The following CDH13 variants were observed in gnomAD, a reference collection of about 807,000 sequenced individuals.
The protein encoded by CDH13 is cadherin 13, also known as cadherin-13.
A neutral mutation model predicts 63.8 loss-of-function variants in CDH13; 24 were observed. The observed-to-expected ratio is 0.38, with a 90% CI of 0.27 to 0.53. The LOEUF (loss-of-function observed/expected upper bound fraction) is 0.53, where lower values mean the gene tolerates loss of function less well. Ranked by LOEUF, CDH13 falls within the 20% of genes least tolerant of loss-of-function variation. CDH13 has a pLI of 0.85. For synonymous variants in CDH13, 503 were observed against 355.3 expected (o/e 1.42, Z -4.67); for missense variants, 1,049 against 903.1 (o/e 1.16, Z -2.07).
intron 7 of CDH13, among the ~76,000 whole-genome samples, chr16:83,546,979 C>G (rs578256971): frequency 1.9e-4 from 29 of 152,306 alleles, no homozygotes; most frequent in African/African-American, 6.7e-4. Context: ...ACCTCCGGTC[C>G]TGAACAGCCT....
intron 4 of CDH13, among the ~76,000 whole-genome samples, chr16:83,139,650 A>G (rs576787056): frequency 5.9e-5 from 9 of 152,258 alleles, no homozygotes; most frequent in African/African-American, 2.2e-4. Flanking sequence ...TCTTATTATA[A>G]GAGTAATATG....
At chr16:83,281,805 C>T (rs12448050) in intron 5 of CDH13, among the ~76,000 whole-genome samples, 60,354 of 151,492 alleles carry the variant, frequency 0.4, 12,694 homozygotes, top group East Asian at 0.63. Context: ...CCCAGCTACT[C>T]GGGAGGCTGA....
intron 2 of CDH13, among the ~76,000 whole-genome samples, chr16:82,862,147 G>T (rs989379324): frequency 5.3e-5 from 8 of 152,188 alleles, no homozygotes; most frequent in African/African-American, 1.9e-4. Context: ...CAGCATGGTA[G>T]ATCTTGCTTT....
intron 4 of CDH13, among the ~76,000 whole-genome samples, chr16:83,166,934 A>G (rs770192538): frequency 1.9e-4 from 29 of 152,268 alleles, no homozygotes; most frequent in Non-Finnish European, 3.4e-4. Context: ...GCACCTCACA[A>G]TTAGCTGCCT....
rs1029759594 is a variant in CDH13 at position 82,873,501 on chromosome 16, A to T, written c.157+15028A>T. ...AGACTGGGGTGTCCTTGATAGTTTCACAGGACAGTGGTGTGGGCTCCTAGG... is the reference window on the plus strand; with the variant it reads ...AGACTGGGGTGTCCTTGATAGTTTCTCAGGACAGTGGTGTGGGCTCCTAGG... On this transcript the variant is annotated intron_variant, in intron 2 of 13. Transcript: ENST00000567109. 2.0e-5 allele frequency among the ~76,000 whole-genome samples: 3 copies of T among 152,098 alleles called. No individual in the cohort carries two copies. In the South Asian group the frequency reaches 6.2e-4, roughly 32 times the overall value.
At chr16:83,635,944 C>T (rs1255388818) in intron 8 of CDH13, among the ~76,000 whole-genome samples, 9 of 152,118 alleles carry the variant, frequency 5.9e-5, no homozygotes. Flanking sequence ...TGTATTTTTA[C>T]ATCTAAGTCC....
At chr16:83,393,595 T>C (rs2091828727) in intron 6 of CDH13, among the ~76,000 whole-genome samples, 1 of 152,208 alleles carries the variant, frequency 6.6e-6, no homozygotes, top group African/African-American at 2.4e-5. Context: ...TAGACATATA[T>C]GTTATTGCAA....
intron 3 of CDH13, among the ~76,000 whole-genome samples, chr16:83,080,295 G>A (rs1393834383): frequency 6.6e-6 from 1 of 152,176 alleles, no homozygotes; most frequent in East Asian, 1.9e-4. Context: ...GCTGAGACTA[G>A]GAATTCAAAC....
At position 83,456,879 on chromosome 16, in the gene CDH13, T is replaced by G. The variant is rs560113049; in HGVS notation, c.782-29598T>G. Among the ~76,000 whole-genome samples the G allele has an allele frequency of 2.6e-5, 4 of 152,226 alleles. No homozygotes were observed. In the East Asian group the frequency reaches 7.7e-4, roughly 29 times the overall value. ...CAGGAGGCTGAGGCAGGAGAGTCAC[T>G]TGAACCTGGGAGGCGGATGTTGCAG... On this transcript the variant is annotated intron_variant, in intron 6 of 13. Transcript: ENST00000567109.
intron 2 of CDH13, among the ~76,000 whole-genome samples, chr16:82,939,862 C>T (rs770899299): frequency 2.0e-5 from 3 of 152,240 alleles, no homozygotes; most frequent in Admixed American, 6.5e-5. Context: ...TATATTCGCA[C>T]GTTTTCACGC....
chr16:82,916,114 C>T (rs1479288621), intron 2 of CDH13, among the ~76,000 whole-genome samples: 1 of 152,050 alleles, frequency 6.6e-6, no homozygotes, highest in Non-Finnish European at 1.5e-5. Flanking sequence ...CTTGATTTTA[C>T]CTGGGAGTCC....
intron 6 of CDH13, among the ~76,000 whole-genome samples, chr16:83,460,723 G>C (rs529670310): frequency 6.6e-5 from 10 of 152,090 alleles, no homozygotes; most frequent in Non-Finnish European, 1.5e-4. Context: ...CCTGAGTGCA[G>C]TGGCTTGCAC....
intron 7 of CDH13, among the ~76,000 whole-genome samples, chr16:83,541,342 C>G (rs939037615): frequency 1.3e-5 from 2 of 152,152 alleles, no homozygotes; most frequent in Non-Finnish European, 2.9e-5. Context: ...CTTCATTATC[C>G]TTTACCAAAT....
intron 3 of CDH13, among the ~76,000 whole-genome samples, chr16:83,050,925 C>T (rs2030252377): frequency 1.3e-5 from 2 of 152,184 alleles, no homozygotes; most frequent in African/African-American, 4.8e-5. Context: ...CCTGGGAGGT[C>T]AGTGGTACTT....
At chr16:83,662,207 T>C (rs747733161) in intron 8 of CDH13, among the ~76,000 whole-genome samples, 9 of 152,340 alleles carry the variant, frequency 5.9e-5, no homozygotes, top group Non-Finnish European at 1.2e-4. Flanking sequence ...ACATTCGAGT[T>C]TTGCATTTTC....
At chr16:83,447,765 A>C (rs976914345) in intron 6 of CDH13, among the ~76,000 whole-genome samples, 1 of 149,070 alleles carries the variant, frequency 6.7e-6, no homozygotes, top group Non-Finnish European at 1.5e-5. Flanking sequence ...TATATATTAA[A>C]TATTGATTTA....
chr16:83,467,942 G>A (rs1446497197), intron 6 of CDH13, among the ~76,000 whole-genome samples: 1 of 152,180 alleles, frequency 6.6e-6, no homozygotes, highest in African/African-American at 2.4e-5. Flanking sequence ...CTGTGAGGTA[G>A]GATGAGGTTA....
chr16:82,864,924 T>C (rs1322322607), intron 2 of CDH13, among the ~76,000 whole-genome samples: 2 of 152,072 alleles, frequency 1.3e-5, no homozygotes, highest in East Asian at 1.9e-4. Context: ...GGTACGGGCA[T>C]TGGGTAAATA....
chr16:82,671,564 C>G (rs9938202), intron 1 of CDH13, among the ~76,000 whole-genome samples: 119,833 of 152,144 alleles, frequency 0.79, 47,349 homozygotes, highest in East Asian at 0.95. Context: ...ATTTACTAAC[C>G]TAGTCTTCAG....
Sources: gnomAD v4.1 joint callset for allele counts (sites outside exome capture counted in the v4.1 genomes callset) on GRCh38, gnomAD v4.1.1 for gene constraint, MANE v1.5 for transcripts, NCBI Gene and HGNC (gene_info 2026-07-23, HGNC 2026-07-21) for gene names.